Variants in VAV2 observed in about 807,000 individuals in gnomAD.
The protein encoded by VAV2 is vav guanine nucleotide exchange factor 2.
In VAV2, 67 loss-of-function variants were observed where a neutral mutation model predicts 132.5. That is an observed-to-expected ratio of 0.51 (90% CI 0.42 to 0.62). The LOEUF (loss-of-function observed/expected upper bound fraction) is 0.62. Ranked by LOEUF, VAV2 falls within the 20% of genes least tolerant of loss-of-function variation. The pLI is 0.00. For synonymous variants in VAV2, 492 were observed against 443.5 expected (o/e 1.11, Z -1.37); for missense variants, 938 against 1,153.6 (o/e 0.81, Z 2.71).
intron 2 of VAV2, among the ~76,000 whole-genome samples, chr9:133,911,268 C>T (rs1022450776): frequency 1.3e-5 from 2 of 152,344 alleles, no homozygotes; most frequent in African/African-American, 2.4e-5. Flanking sequence ...CGCCCTGGAG[C>T]GTGCTGCCCG....
rs1296141999 is a variant in VAV2, at chr9:133,781,202, C to T, written c.1724-492G>A. On this transcript the variant is annotated intron_variant, in intron 19 of 29. Coordinates refer to ENST00000371850, the MANE Select transcript of VAV2 (RefSeq NM_001134398.2). ...GAGGCATTGGTACGCATGCTACCTG[C>T]TTGCCATCCTCAGCTCAGACACCCA... Among the ~76,000 whole-genome samples the T allele has an allele frequency of 2.6e-5, 4 of 152,344 alleles. No individual in the cohort carries two copies. In the East Asian group the frequency reaches 7.7e-4, roughly 29 times the overall value.
intron 3 of VAV2, among the ~76,000 whole-genome samples, chr9:133,852,149 G>A (rs1837213653): frequency 6.6e-6 from 1 of 151,958 alleles, no homozygotes; most frequent in African/African-American, 2.4e-5. Context: ...GTTGTAGGGT[G>A]CTTGAATGAT....
Position 133,919,488 on chromosome 9 carries a change from G to A in VAV2, c.321+19615C>T, listed in dbSNP as rs973465321. ...CCAGGTGTCCCGGCTCCCAGCCCAG[G>A]GACTCACTGTCCCCCGGGGCCAGGT... is the stretch of plus-strand genomic sequence containing the variant. On this transcript the variant is annotated intron_variant, in intron 2 of 29. Coordinates refer to ENST00000371850, the MANE Select transcript of VAV2 (RefSeq NM_001134398.2). The surrounding 1 kb of genome is among the most constrained non-coding windows in gnomAD (Gnocchi z 5.8). Among the ~76,000 whole-genome samples the A allele has an allele frequency of 6.6e-6, 1 of 152,146 alleles. No homozygotes were observed. Among genetic ancestry groups the A allele is most frequent in the Non-Finnish European group, 1.5e-5 (1 of 68,014 alleles).
intron 22 of VAV2, among the ~76,000 whole-genome samples, chr9:133,777,883 T>C (rs1833871419): frequency 6.6e-6 from 1 of 152,192 alleles, no homozygotes; most frequent in African/African-American, 2.4e-5. Flanking sequence ...GACCACAGCA[T>C]CATTGTAACC....
At chr9:133,830,738 C>G (rs1450906482) in intron 4 of VAV2, among the ~76,000 whole-genome samples, 1 of 152,102 alleles carries the variant, frequency 6.6e-6, no homozygotes, top group East Asian at 1.9e-4. Flanking sequence ...CAAGTAGGAT[C>G]CAGGTAAGAA....
Position 133,834,481 on chromosome 9 carries a change from G to C in VAV2, c.381-141C>G. The C allele has an allele frequency of 3.6e-6, 3 of 844,136 alleles. No individual in the cohort carries two copies. The highest frequency in any genetic ancestry group is 5.5e-6 in the Non-Finnish European group (3 of 543,674). 52.3% of individuals were successfully genotyped at this position (844,136 alleles called of 1,614,324 possible). On this transcript the variant is annotated intron_variant, in intron 3 of 29. Transcript: ENST00000371850. This position sits in a 1 kb window ranked among gnomAD's most constrained non-coding sequence, Gnocchi z 5.9. ...TTGTCCACTCTCTGGAAGGACACAG[G>C]GTGCGCGGACACTGATCGGAGTCAC...
chr9:133,875,433 G>A (rs951381829), intron 2 of VAV2, among the ~76,000 whole-genome samples: 1 of 152,164 alleles, frequency 6.6e-6, no homozygotes, highest in African/African-American at 2.4e-5. Flanking sequence ...CCCTGAGCAG[G>A]CAGAGGGGGC....
chr9:133,787,593 C>G (rs1187518735), intron 15 of VAV2, among the ~76,000 whole-genome samples: 7 of 152,156 alleles, frequency 4.6e-5, no homozygotes, highest in Admixed American at 2.0e-4. Flanking sequence ...ACTTTCAGAA[C>G]AAGGGCTCCT....
At chr9:133,780,782 A>G in intron 19 of VAV2, 72 bp from the exon 20 acceptor site, 1 of 1,250,084 alleles carries the variant, frequency 8.0e-7, no homozygotes, top group South Asian at 4.0e-5. Flanking sequence ...TCTCACTCAC[A>G]CCGCCCCGAG....
chr9:133,791,722 C>T lies in VAV2; in HGVS notation c.1188+61G>A, dbSNP rs143092153. 11,157 of 1,458,580 alleles carry T rather than the reference C, an allele frequency of 7.6e-3. 215 individuals are homozygous for T. The highest frequency in any genetic ancestry group is 0.055 in the Admixed American group (3,283 of 59,748). The allele number at this position is 1,458,580 out of a possible 1,614,324, so 90.4% of individuals were successfully genotyped here. ...GCTCACTCAATACTGGGGCTGTGAA[C>T]GTGACTTTATAGGTACGTCCTCATC... On this transcript the variant is annotated intron_variant, in intron 13 of 29. Transcript: ENST00000371850.
Position 133,791,325 on chromosome 9 carries a change from C to G in VAV2, c.1188+458G>C, listed in dbSNP as rs550879841. On this transcript the variant is annotated intron_variant, in intron 13 of 29. Coordinates refer to ENST00000371850, the MANE Select transcript of VAV2 (RefSeq NM_001134398.2). ...GGGTCCGAGGAGCAGAGGCGACTGC[C>G]GGCCCCACCGAGCCTGGGCCCAAAC... Among the ~76,000 whole-genome samples, 390 of 152,170 alleles carry G rather than the reference C, an allele frequency of 2.6e-3. 1 individual carries two copies. The highest frequency in any genetic ancestry group is 8.1e-3 in the African/African-American group (338 of 41,498).
intron 2 of VAV2, among the ~76,000 whole-genome samples, chr9:133,936,487 C>T (rs1036471387): frequency 6.6e-6 from 1 of 152,178 alleles, no homozygotes; most frequent in Non-Finnish European, 1.5e-5. Flanking sequence ...AAATGATCCG[C>T]CCACCTCAGC....
chr9:133,823,277 A>G lies in VAV2; in HGVS notation c.449+10995T>C, dbSNP rs191499147. Among the ~76,000 whole-genome samples the G allele has an allele frequency of 2.0e-3, 298 of 152,338 alleles. 4 individuals carry two copies. The highest frequency in any genetic ancestry group is 5.6e-4 in the Non-Finnish European group (38 of 68,032). ...AGGAAGACAAGGGAAAGTTGGTGGC[A>G]GAGACTGTCCTGCTGTCCTTTCTAA... On this transcript the variant is annotated intron_variant, in intron 4 of 29. Coordinates refer to ENST00000371850, the MANE Select transcript of VAV2 (RefSeq NM_001134398.2). This position sits in a 1 kb window ranked among gnomAD's most constrained non-coding sequence, Gnocchi z 5.5.
rs1382016803 is a variant in VAV2, at chr9:133,961,880, C to G, written c.205-22661G>C. 6.6e-6 allele frequency among the ~76,000 whole-genome samples: 1 copy of G among 152,146 alleles called. No individual in the cohort carries two copies. Among genetic ancestry groups the G allele is most frequent in the Non-Finnish European group, 1.5e-5 (1 of 68,018 alleles). On this transcript the variant is annotated intron_variant, in intron 1 of 29. Transcript: ENST00000371850. The surrounding 1 kb of genome is among the most constrained non-coding windows in gnomAD (Gnocchi z 4.1). ...GAACAGGGAGACCCTCACCGTGAGC[C>G]TCATCCACCCAGAGGGTGCCCCCAC...
Position 133,912,887 on chromosome 9 carries a change from C to T in VAV2, c.321+26216G>A, listed in dbSNP as rs1248865963. 6.6e-6 allele frequency among the ~76,000 whole-genome samples: 1 copy of T among 152,234 alleles called. No individual in the cohort carries two copies. The highest frequency in any genetic ancestry group is 2.4e-5 in the African/African-American group (1 of 41,460). On this transcript the variant is annotated intron_variant, in intron 2 of 29. Transcript: ENST00000371850. The surrounding 1 kb of genome is among the most constrained non-coding windows in gnomAD (Gnocchi z 4.3). ...AAACATAGCTTCTATTCATCAGAATCAGGGCTCCTGATCCTGGTGACTTTA... is the reference window on the plus strand; with the variant it reads ...AAACATAGCTTCTATTCATCAGAATTAGGGCTCCTGATCCTGGTGACTTTA...
At chr9:133,970,264 T>C (rs144010168) in intron 1 of VAV2, among the ~76,000 whole-genome samples, 1 of 152,258 alleles carries the variant, frequency 6.6e-6, no homozygotes, top group African/African-American at 2.4e-5. Flanking sequence ...CCCCACCCGA[T>C]GACCCCACAC....
At chr9:133,842,452 T>C (rs888262961) in intron 3 of VAV2, among the ~76,000 whole-genome samples, 19 of 152,246 alleles carry the variant, frequency 1.2e-4, no homozygotes, top group Admixed American at 3.9e-4. Flanking sequence ...CCTCGGCCTC[T>C]GAGGCCAGGT....
At chr9:133,934,761 G>A (rs1043494075) in intron 2 of VAV2, among the ~76,000 whole-genome samples, 3 of 152,122 alleles carry the variant, frequency 2.0e-5, no homozygotes. Context: ...TCTCCACCTC[G>A]CAGAAAGCCT....
chr9:133,780,098 C>T (rs1588164084), intron 20 of VAV2, 159 bp from the exon 21 acceptor site: 2 of 939,298 alleles, frequency 2.1e-6, no homozygotes, highest in South Asian at 1.6e-5. Context: ...CTATGGGACG[C>T]CCCCACCCTG....
Sources: gnomAD v4.1 joint callset for allele counts (sites outside exome capture counted in the v4.1 genomes callset) on GRCh38, gnomAD v4.1.1 for gene constraint, Gnocchi (gnomAD v3.1) non-coding constraint, MANE v1.5 for transcripts, NCBI Gene and HGNC (gene_info 2026-07-23, HGNC 2026-07-21) for gene names.